Variants in WDR11 observed in about 807,000 individuals in gnomAD.
WDR11 encodes WD repeat domain 11, also known as WD repeat-containing protein 11.
Under a neutral mutation model 151.2 loss-of-function variants are expected in WDR11, and 83 were observed. That is an observed-to-expected ratio of 0.55 (90% CI 0.46 to 0.66). The LOEUF (loss-of-function observed/expected upper bound fraction) is 0.66, where lower values mean the gene tolerates loss of function less well. Ranked by LOEUF, WDR11 falls within the 30% of genes least tolerant of loss-of-function variation. WDR11 has a pLI of 0.00. For missense variants in WDR11, 1,301 were observed against 1,480.9 expected (o/e 0.88, Z 1.99); for synonymous variants, 484 against 533.1 (o/e 0.91, Z 1.27).
At position 120,903,064 on chromosome 10, in the gene WDR11, T is replaced by C. The variant is rs920448613; in HGVS notation, c.2763T>C (p.Gly921=). 1.2e-6 allele frequency: 2 copies of C among 1,613,866 alleles called. No homozygotes were observed. Among genetic ancestry groups the C allele is most frequent in the Admixed American group, 1.7e-5 (1 of 59,992 alleles). ...QRCLLVSRLY[G]DESELHFWTV... is the part of the protein sequence containing the mutation. ...GCTTCATCCTTGCCAGGCTCTATGGTGATGAATCGGAGCTGCACTTCTGGA... is the reference window on the plus strand; with the variant it reads ...GCTTCATCCTTGCCAGGCTCTATGGCGATGAATCGGAGCTGCACTTCTGGA... The change falls in exon 23 of 29, where the codon GGT becomes GGC. Residue 921 remains glycine (G), a synonymous_variant. Coordinates refer to ENST00000263461, the MANE Select transcript of WDR11 (RefSeq NM_018117.12).
chr10:120,888,982 G>T, intron 16 of WDR11, 96 bp from the exon 17 acceptor site: 1 of 939,516 alleles, frequency 1.1e-6, no homozygotes. Flanking sequence ...GCATACTAAA[G>T]CACAGCCCTT....
At chr10:120,885,455 CTA>C (rs1457955607) in intron 14 of WDR11, among the ~76,000 whole-genome samples, 1 of 152,042 alleles carries the variant, frequency 6.6e-6, no homozygotes, top group African/African-American at 2.4e-5. Flanking sequence ...TTGGAGGAAT[CTA>C]TGGATGATAA....
chr10:120,868,839 C>T (rs1252183415), intron 9 of WDR11: 1 of 152,162 alleles, frequency 6.6e-6, no homozygotes, highest in Non-Finnish European at 1.5e-5. Context: ...TTCAGTGATA[C>T]TTACTATTAT....
At chr10:120,881,618 TTTC>T (rs1847009835) in intron 13 of WDR11, among the ~76,000 whole-genome samples, 1 of 147,116 alleles carries the variant, frequency 6.8e-6, no homozygotes, top group Admixed American at 6.7e-5. Context: ...TATTTTGTGT[TTTC>T]TTTGATGCTT....
intron 16 of WDR11, among the ~76,000 whole-genome samples, chr10:120,888,209 T>C (rs1847292276): frequency 6.6e-6 from 1 of 152,258 alleles, no homozygotes; most frequent in Admixed American, 6.5e-5. Context: ...TATTGACTAT[T>C]TACTGCATGG....
intron 12 of WDR11, 46 bp from the exon 13 acceptor site, chr10:120,880,780 A>C (rs1483707366): frequency 6.6e-7 from 1 of 1,515,144 alleles, no homozygotes; most frequent in Admixed American, 1.8e-5. Context: ...TTTTTCATAC[A>C]TGTTTTATGC....
intron 27 of WDR11, chr10:120,906,542 A>G: frequency 7.2e-7 from 1 of 1,383,294 alleles, no homozygotes; most frequent in East Asian, 2.9e-5. Flanking sequence ...ATTTTTGTGT[A>G]TTTAAACTAT....
intron 9 of WDR11, among the ~76,000 whole-genome samples, chr10:120,870,213 A>G (rs920103109): frequency 2.6e-5 from 4 of 152,192 alleles, no homozygotes; most frequent in African/African-American, 4.8e-5. Flanking sequence ...TTAAAATAAC[A>G]TTATTAAAAC....
At position 120,865,918 on chromosome 10, in the gene WDR11, A is replaced by G. The variant is rs1344607200; in HGVS notation, c.994+174A>G. 4.6e-5 allele frequency among the ~76,000 whole-genome samples: 7 copies of G among 152,164 alleles called. 1 individual carries two copies. Among genetic ancestry groups the G allele is most frequent in the Admixed American group, 4.6e-4 (7 of 15,282 alleles). On this transcript the variant is annotated intron_variant, in intron 7 of 28. Coordinates refer to ENST00000263461, the MANE Select transcript of WDR11 (RefSeq NM_018117.12). Reference sequence around the variant, plus strand: ...GTATAAGCCCAAGATTAATCTCTTGATGTTAAAACAGTGCACCTCCTGTAT... The same window carrying G: ...GTATAAGCCCAAGATTAATCTCTTGGTGTTAAAACAGTGCACCTCCTGTAT...
At chr10:120,866,991 C>A in intron 8 of WDR11, 75 bp from the exon 9 acceptor site, 1 of 1,278,206 alleles carries the variant, frequency 7.8e-7, no homozygotes, top group Non-Finnish European at 1.1e-6. Flanking sequence ...ATAATCTGGA[C>A]TTAATACTTT....
Position 120,880,816 on chromosome 10 carries a change from G to C in WDR11, c.1664-10G>C, listed in dbSNP as rs1188344576. ...ACTGTTCTCACTTTTTTAAATATTT[G>C]CAATTAAAGGTAGGAGCATTGCTTT... On this transcript the variant is annotated splice_polypyrimidine_tract_variant and intron_variant, in intron 12 of 28. Transcript: ENST00000263461. The C allele has an allele frequency of 2.5e-6, 4 of 1,595,094 alleles. No homozygotes were observed. The highest frequency in any genetic ancestry group is 3.4e-6 in the Non-Finnish European group (4 of 1,167,588).
Position 120,905,903 on chromosome 10 carries a change from G to A in WDR11, c.3319G>A (p.Asp1107Asn), listed in dbSNP as rs776634452. 7.4e-6 allele frequency: 12 copies of A among 1,614,014 alleles called. No homozygotes were observed. Among genetic ancestry groups the A allele is most frequent in the East Asian group, 2.2e-5 (1 of 44,876 alleles). ...CCGTTTGAATCCTGAGGAGTGTGCC[G>A]ATGTTTTAAGGCGGTGGGTTGACCA... is the stretch of plus-strand genomic sequence containing the variant. ...KVRLNPEECA[D>N]VLRRWVDHLC... Residue 1107 changes from aspartate to asparagine, a missense_variant, in exon 27 of 29, where the codon GAT becomes AAT. Physicochemically the swap from Asp to Asn is conservative, Grantham distance 23. Transcript: ENST00000263461.
At chr10:120,872,148 T>C (rs1342685097) in intron 10 of WDR11, among the ~76,000 whole-genome samples, 1 of 152,220 alleles carries the variant, frequency 6.6e-6, no homozygotes, top group African/African-American at 2.4e-5. Flanking sequence ...GTGGCCAACA[T>C]GGCTGACTTC....
At chr10:120,888,050 A>G (rs1847285785) in intron 16 of WDR11, among the ~76,000 whole-genome samples, 1 of 152,148 alleles carries the variant, frequency 6.6e-6, no homozygotes, top group African/African-American at 2.4e-5. Context: ...TAGTCCACTA[A>G]TGGTCAATTA....
intron 1 of WDR11, chr10:120,852,233 TGCCTACAAGAACAGTCAGAGG>T (rs1215181374): frequency 2.6e-6 from 1 of 383,096 alleles, no homozygotes; most frequent in African/African-American, 2.1e-5. Context: ...GAAAGACGTA[TGCCTACAAGAACAGTCAGAGG>T]GCACAAGTTC....
In WDR11 at chr10:120,862,496, T is replaced by C. The variant is rs74158331; in HGVS notation, c.527-239T>C. Reference sequence around the variant, plus strand: ...TGTTCTTTCTGCCAATAACCTTATGTTATCTTTTTAATATAAGACATAATA... The same window carrying C: ...TGTTCTTTCTGCCAATAACCTTATGCTATCTTTTTAATATAAGACATAATA... On this transcript the variant is annotated intron_variant, in intron 4 of 28. Coordinates refer to ENST00000263461, the MANE Select transcript of WDR11 (RefSeq NM_018117.12). 4,830 of 421,658 alleles carry C rather than the reference T, an allele frequency of 0.011. 227 individuals carry two copies. The highest frequency in any genetic ancestry group is 0.09 in the African/African-American group (4,460 of 49,558). 26.1% of individuals were successfully genotyped at this position (421,658 alleles called of 1,614,324 possible).
At chr10:120,863,198 A>G (rs562337269) in intron 5 of WDR11, among the ~76,000 whole-genome samples, 1 of 152,308 alleles carries the variant, frequency 6.6e-6, no homozygotes, top group South Asian at 2.1e-4. Flanking sequence ...GAAAATCGCA[A>G]TGATCCTAAA....
intron 9 of WDR11, 125 bp from the exon 10 acceptor site, chr10:120,871,044 TA>T: frequency 1.0e-6 from 1 of 973,746 alleles, no homozygotes; most frequent in Non-Finnish European, 1.5e-6. Flanking sequence ...CTACAGCCAC[TA>T]AAGTACTACA....
chr10:120,864,358 T>A (rs1846240849), intron 5 of WDR11, among the ~76,000 whole-genome samples: 1 of 152,210 alleles, frequency 6.6e-6, no homozygotes. Context: ...AGTACATAAT[T>A]GTATGTCTAT....
Sources: gnomAD v4.1 joint callset for allele counts (sites outside exome capture counted in the v4.1 genomes callset) on GRCh38, gnomAD v4.1.1 for gene constraint, MANE v1.5 for transcripts, NCBI Gene and HGNC (gene_info 2026-07-23, HGNC 2026-07-21) for gene names.